Variants in COLEC10 observed in about 807,000 individuals in gnomAD.
COLEC10 encodes the protein collectin-10.
COLEC10 carries 22 observed loss-of-function variants against 28.4 expected under a neutral mutation model. That is an observed-to-expected ratio of 0.78 (90% CI 0.55 to 1.11). The LOEUF (loss-of-function observed/expected upper bound fraction) is 1.11, where lower values mean the gene tolerates loss of function less well. COLEC10 is among the 50% of genes least tolerant of loss of function. The pLI, the probability that COLEC10 is intolerant of heterozygous loss-of-function variation, is 0.00. For synonymous variants in COLEC10, 125 were observed against 116.1 expected (o/e 1.08, Z -0.49); for missense variants, 361 against 344.1 (o/e 1.05, Z -0.39).
chr8:119,040,653 G>A (rs924324566), intron 2 of COLEC10, among the ~76,000 whole-genome samples: 3 of 152,168 alleles, frequency 2.0e-5, no homozygotes, highest in Non-Finnish European at 4.4e-5. Flanking sequence ...TTTGCAGGAA[G>A]ACATACAATC....
chr8:119,057,296 G>T (rs1356452821), intron 2 of COLEC10, among the ~76,000 whole-genome samples: 1 of 152,014 alleles, frequency 6.6e-6, no homozygotes, highest in Non-Finnish European at 1.5e-5. Flanking sequence ...CACCATGATT[G>T]TAAGTTTCCT....
intron 2 of COLEC10, among the ~76,000 whole-genome samples, chr8:119,026,252 A>G (rs531272958): frequency 1.3e-5 from 2 of 152,244 alleles, no homozygotes; most frequent in African/African-American, 4.8e-5. Context: ...TACATAGAAA[A>G]GTGTTTAAAA....
chr8:118,970,311 G>A, the COLEC10 span, among the ~76,000 whole-genome samples: 1 of 151,926 alleles, frequency 6.6e-6, no homozygotes, highest in African/African-American at 2.4e-5. Flanking sequence ...GGTCTGTGGG[G>A]GTACATTCAA....
chr8:119,102,640 GC>G, intron 4 of COLEC10: 1 of 409,292 alleles, frequency 2.4e-6, no homozygotes, highest in South Asian at 4.9e-5. Context: ...TGAGAAGAAA[GC>G]CCAGCCCATC....
the COLEC10 span, among the ~76,000 whole-genome samples, chr8:118,987,390 C>G: frequency 6.6e-6 from 1 of 152,084 alleles, no homozygotes; most frequent in Non-Finnish European, 1.5e-5. Context: ...AGGGCAAAAC[C>G]CTGTCTCTAC....
intron 2 of COLEC10, among the ~76,000 whole-genome samples, chr8:119,051,623 T>A (rs991703696): frequency 6.6e-6 from 1 of 152,138 alleles, no homozygotes; most frequent in Admixed American, 6.5e-5. Flanking sequence ...ACGCAGTAGA[T>A]AAAAGATTGT....
chr8:119,081,478 A>C (rs1815369122), intron 1 of COLEC10, among the ~76,000 whole-genome samples: 1 of 152,020 alleles, frequency 6.6e-6, no homozygotes. Flanking sequence ...TTGCGTATTT[A>C]TATCTCTTTG....
rs1294817457 is a variant in COLEC10 at position 119,107,185 on chromosome 8, TCTA to T, written c.*995_*997del. Among the ~76,000 whole-genome samples the T allele has an allele frequency of 6.6e-6, 1 of 152,188 alleles. No individual in the cohort carries two copies. Among genetic ancestry groups the T allele is most frequent in the Non-Finnish European group, 1.5e-5 (1 of 68,034 alleles). On this transcript the variant is annotated 3_prime_UTR_variant, in exon 6 of 6. Transcript: ENST00000332843. ...ATCTCCAGGCCCCCTCATCCTTGCCTCTAACATATCACTAATGGTGACATTTCA... is the reference window on the plus strand; with the variant it reads ...ATCTCCAGGCCCCCTCATCCTTGCCTACATATCACTAATGGTGACATTTCA...
the COLEC10 span, among the ~76,000 whole-genome samples, chr8:118,953,116 T>C: frequency 6.6e-6 from 1 of 152,158 alleles, no homozygotes; most frequent in Non-Finnish European, 1.5e-5. Context: ...CCAAGGGACA[T>C]CCTTCCACCA....
intron 2 of COLEC10, among the ~76,000 whole-genome samples, chr8:119,039,711 T>C (rs1161109380): frequency 5.3e-5 from 8 of 152,222 alleles, no homozygotes; most frequent in Non-Finnish European, 1.2e-4. Context: ...GGACATTCCA[T>C]TTCCTTGCCT....
intron 1 of COLEC10, among the ~76,000 whole-genome samples, chr8:119,087,607 GT>G (rs575891469): frequency 6.6e-6 from 1 of 151,692 alleles, no homozygotes; most frequent in Admixed American, 6.6e-5. Flanking sequence ...GTAATAAGCT[GT>G]TTTTTTTCTT....
At chr8:118,997,830 A>T (rs961536450) in intron 1 of COLEC10, among the ~76,000 whole-genome samples, 2 of 152,220 alleles carry the variant, frequency 1.3e-5, no homozygotes, top group African/African-American at 4.8e-5. Context: ...TATACAGTAG[A>T]TTAAGGCATG....
chr8:119,059,096 T>C (rs1453949160), intron 2 of COLEC10, among the ~76,000 whole-genome samples: 2 of 152,152 alleles, frequency 1.3e-5, no homozygotes, highest in South Asian at 2.1e-4. Flanking sequence ...GATTGTATTA[T>C]CATTTAGCCA....
At chr8:118,967,341 TA>T in the COLEC10 span, among the ~76,000 whole-genome samples, 2 of 152,264 alleles carry the variant, frequency 1.3e-5, no homozygotes, top group South Asian at 4.1e-4. Context: ...AAAGTCTGCA[TA>T]GGCAGCTCTT....
chr8:118,978,249 TTATAA>T, the COLEC10 span, among the ~76,000 whole-genome samples: 1 of 152,102 alleles, frequency 6.6e-6, no homozygotes, highest in East Asian at 1.9e-4. Flanking sequence ...TCAAAATAAG[TTATAA>T]TAGGGTAATT....
upstream of COLEC10, among the ~76,000 whole-genome samples, chr8:118,991,477 A>G (rs1813505545): frequency 6.6e-6 from 1 of 152,168 alleles, no homozygotes; most frequent in Non-Finnish European, 1.5e-5. Context: ...AGATAAAGTC[A>G]CTGAAACCTA....
intron 2 of COLEC10, among the ~76,000 whole-genome samples, chr8:119,060,286 A>T (rs1454105944): frequency 6.6e-6 from 1 of 152,148 alleles, no homozygotes; most frequent in Non-Finnish European, 1.5e-5. Context: ...CAGAACAGAG[A>T]ATTGTGAAAA....
At chr8:119,042,298 G>A (rs746623531) in intron 2 of COLEC10, among the ~76,000 whole-genome samples, 4 of 152,038 alleles carry the variant, frequency 2.6e-5, no homozygotes, top group Non-Finnish European at 5.9e-5. Context: ...GCACCCAGCC[G>A]AAGCAATTGT....
the COLEC10 span, among the ~76,000 whole-genome samples, chr8:118,965,117 A>C: frequency 6.6e-6 from 1 of 152,190 alleles, no homozygotes; most frequent in African/African-American, 2.4e-5. Flanking sequence ...ACCCAACTAA[A>C]GGTGGATTTG....
Sources: gnomAD v4.1 joint callset for allele counts (sites outside exome capture counted in the v4.1 genomes callset) on GRCh38, gnomAD v4.1.1 for gene constraint, MANE v1.5 for transcripts, NCBI Gene and HGNC (gene_info 2026-07-23, HGNC 2026-07-21) for gene names.